The following DHDH variants were observed in gnomAD, a reference collection of about 807,000 sequenced individuals.
The protein encoded by DHDH is trans-1,2-dihydrobenzene-1,2-diol dehydrogenase.
A neutral mutation model predicts 33.2 loss-of-function variants in DHDH; 29 were observed. That is an observed-to-expected ratio of 0.87 (90% CI 0.65 to 1.19). The LOEUF is 1.19. Ranked by LOEUF, DHDH falls within the 50% of genes most tolerant of loss-of-function variation. The probability of loss-of-function intolerance (pLI) is 0.00; values close to 1 mark genes in which losing one functional copy is unlikely to be tolerated. For synonymous variants in DHDH, 201 were observed against 187.9 expected (o/e 1.07, Z -0.57); for missense variants, 431 against 455.0 (o/e 0.95, Z 0.48).
chr19:48,936,058 C>G lies in DHDH; in HGVS notation c.229C>G (p.Pro77Ala). 1.9e-6 allele frequency: 3 copies of G among 1,607,550 alleles called. No individual in the cohort carries two copies. The highest frequency in any genetic ancestry group is 2.5e-6 in the Non-Finnish European group (3 of 1,177,786). ...VEVAYIGTQH[P>A]QHKAAVMLCL... ...GGTGGCCTACATTGGCACCCAGCAC[C>G]CCCAGCACAAGGCGGCGGTGATGCT... The change falls in exon 3 of 7, where the codon CCC (proline) becomes GCC (alanine). Residue 77 changes from proline to alanine, a missense_variant. Coordinates refer to ENST00000221403, the MANE Select transcript of DHDH (RefSeq NM_014475.4).
At chr19:48,935,164 C>T in intron 2 of DHDH, 53 bp downstream of exon 2, 1 of 1,409,144 alleles carries the variant, frequency 7.1e-7, no homozygotes, top group Non-Finnish European at 9.5e-7. Flanking sequence ...AGCGGTGCCC[C>T]CTGGCTGCCC....
chr19:48,940,942 C>G (rs760752246), intron 4 of DHDH, among the ~76,000 whole-genome samples: 1 of 150,574 alleles, frequency 6.6e-6, no homozygotes, highest in South Asian at 2.1e-4. Flanking sequence ...TCTGCCTCCC[C>G]GAGAGCTGGG....
rs199952845 is a variant in DHDH, at chr19:48,944,537, G to C, written c.895+30G>C. ...GGATATGGATGCGGGGCAGGCGCCA[G>C]GCCTGGTAGGGGGATGTTGGGCCCC... On this transcript the variant is annotated intron_variant, in intron 6 of 6. Coordinates refer to ENST00000221403, the MANE Select transcript of DHDH (RefSeq NM_014475.4). 2,839 of 1,561,192 alleles carry C rather than the reference G, an allele frequency of 1.8e-3. 9 individuals are homozygous for C. Among genetic ancestry groups the C allele is most frequent in the Non-Finnish European group, 2.0e-3 (2,331 of 1,149,542 alleles).
intron 3 of DHDH, among the ~76,000 whole-genome samples, chr19:48,937,770 A>C (rs1443247516): frequency 6.7e-6 from 1 of 149,948 alleles, no homozygotes; most frequent in South Asian, 2.2e-4. Flanking sequence ...TAAGATCCCG[A>C]CACTGCACTC....
At chr19:48,937,121 G>T (rs1294381332) in intron 3 of DHDH, among the ~76,000 whole-genome samples, 1 of 151,796 alleles carries the variant, frequency 6.6e-6, no homozygotes, top group African/African-American at 2.4e-5. Context: ...TATCCGCCAG[G>T]ACCCCTTAGC....
intron 1 of DHDH, 97 bp downstream of exon 1, chr19:48,933,908 G>A (rs1024264008): frequency 1.8e-6 from 2 of 1,099,334 alleles, no homozygotes; most frequent in Non-Finnish European, 2.7e-6. Flanking sequence ...CTAGTGAGTG[G>A]GTCGTCATTG....
Position 48,933,765 on chromosome 19 carries a change from G to A in DHDH, c.44G>A (p.Ser15Asn). 1 of 1,613,130 alleles carries A rather than the reference G, an allele frequency of 6.2e-7. No homozygotes were observed. Among genetic ancestry groups the A allele is most frequent in the Non-Finnish European group, 8.5e-7 (1 of 1,180,040 alleles). The stretch of plus-strand genomic sequence containing the variant: ...ATCGTGTCTGTCGGCCTCATCTCCA[G>A]CGACTTCACAGCCGTGCTGCAGACG... ...WGIVSVGLIS[S>N]DFTAVLQTLP... Residue 15 changes from serine (S) to asparagine (N), a missense_variant, in exon 1 of 7, where the codon AGC becomes AAC. Coordinates refer to ENST00000221403, the MANE Select transcript of DHDH (RefSeq NM_014475.4).
intron 3 of DHDH, among the ~76,000 whole-genome samples, chr19:48,936,972 C>CG (rs1172162361): frequency 6.6e-6 from 1 of 151,634 alleles, no homozygotes; most frequent in Non-Finnish European, 1.5e-5. Context: ...TTAGTAGAGA[C>CG]GGGGTTTCAC....
At chr19:48,937,772 A>C (rs1206899556) in intron 3 of DHDH, among the ~76,000 whole-genome samples, 2 of 149,884 alleles carry the variant, frequency 1.3e-5, no homozygotes, top group Non-Finnish European at 3.0e-5. Flanking sequence ...AGATCCCGAC[A>C]CTGCACTCCA....
rs1260627207 is a variant in DHDH at position 48,939,499 on chromosome 19, G to A, written c.417G>A (p.Leu139=). 1.2e-6 allele frequency: 2 copies of A among 1,613,914 alleles called. No homozygotes were observed. Among genetic ancestry groups the A allele is most frequent in the Non-Finnish European group, 8.5e-7 (1 of 1,179,926 alleles). ...FPASEALRSV[L]AQGTLGDLRV... is the part of the protein sequence containing the mutation. The stretch of plus-strand genomic sequence containing the variant: ...CCTCCGAGGCTCTGAGGTCTGTTTT[G>A]GCCCAGGGAACTCTAGGAGACCTCC... Residue 139 remains leucine, a synonymous_variant, in exon 4 of 7, where the codon TTG becomes TTA. Coordinates refer to ENST00000221403, the MANE Select transcript of DHDH (RefSeq NM_014475.4).
At chr19:48,942,355 G>C in intron 4 of DHDH, 85 bp from the exon 5 acceptor site, 1 of 1,370,344 alleles carries the variant, frequency 7.3e-7, no homozygotes, top group African/African-American at 1.4e-5. Flanking sequence ...TCTTGCCCAA[G>C]GTTCCACAGG....
At chr19:48,933,612 A>T (rs982087498), upstream of DHDH, 4 of 972,282 alleles carry the variant, frequency 4.1e-6, no homozygotes, top group African/African-American at 4.9e-5. Flanking sequence ...GAATCGGCGT[A>T]GGCGCAATAC....
chr19:48,933,695 A>G, upstream of DHDH: 1 of 1,611,650 alleles, frequency 6.2e-7, no homozygotes, highest in Non-Finnish European at 8.5e-7. Context: ...GAGGGACCGA[A>G]GGTGCCGAGG....
At chr19:48,934,828 C>A (rs1007576510) in intron 1 of DHDH, among the ~76,000 whole-genome samples, 172 bp from the exon 2 acceptor site, 1 of 152,122 alleles carries the variant, frequency 6.6e-6, no homozygotes, top group Non-Finnish European at 1.5e-5. Context: ...GATTTAATAA[C>A]GGCTTTCCCC....
At chr19:48,940,750 G>A (rs1000087336) in intron 4 of DHDH, among the ~76,000 whole-genome samples, 5 of 152,146 alleles carry the variant, frequency 3.3e-5, no homozygotes, top group Non-Finnish European at 7.3e-5. Context: ...CGGCTACTCT[G>A]GAAGGTGAGG....
intron 3 of DHDH, among the ~76,000 whole-genome samples, chr19:48,939,073 G>A (rs948110555): frequency 6.6e-6 from 1 of 152,118 alleles, no homozygotes; most frequent in African/African-American, 2.4e-5. Flanking sequence ...GTTTGGCAGG[G>A]CAGAAGCGAG....
At chr19:48,938,996 A>G (rs2037819238) in intron 3 of DHDH, among the ~76,000 whole-genome samples, 1 of 152,092 alleles carries the variant, frequency 6.6e-6, no homozygotes, top group African/African-American at 2.4e-5. Flanking sequence ...ATCTCTCTGA[A>G]AACCCTGTGG....
Position 48,936,186 on chromosome 19 carries a change from C to T in DHDH, c.357C>T (p.Phe119=), listed in dbSNP as rs781035600. ...MVAEARSRAL[F]LMEAIWTRFF... ...CGGAGGCCCGATCCCGAGCCCTCTT[C>T]CTTATGGAGGTGAGGGCAGAGGAGC... The change falls in exon 3 of 7, where the codon TTC becomes TTT. Residue 119 remains phenylalanine, a synonymous_variant. Coordinates refer to ENST00000221403, the MANE Select transcript of DHDH (RefSeq NM_014475.4). The T allele has an allele frequency of 6.9e-6, 11 of 1,593,288 alleles. No homozygotes were observed. Among genetic ancestry groups the T allele is most frequent in the Non-Finnish European group, 3.4e-6 (4 of 1,171,320 alleles).
At chr19:48,938,189 C>T (rs570044085) in intron 3 of DHDH, among the ~76,000 whole-genome samples, 5 of 151,972 alleles carry the variant, frequency 3.3e-5, no homozygotes, top group African/African-American at 7.2e-5. Context: ...CTCCGCTGCC[C>T]GGCTTTAAGT....
Sources: gnomAD v4.1 joint callset for allele counts (sites outside exome capture counted in the v4.1 genomes callset) on GRCh38, gnomAD v4.1.1 for gene constraint, MANE v1.5 for transcripts, NCBI Gene and HGNC (gene_info 2026-07-23, HGNC 2026-07-21) for gene names.